PTF1A: variants seen among roughly 807,000 people sequenced by gnomAD.
The protein encoded by PTF1A is pancreas transcription factor 1 subunit alpha.
A neutral mutation model predicts 22.6 loss-of-function variants in PTF1A; 18 were observed. That is an observed-to-expected ratio of 0.80 (90% CI 0.55 to 1.18). PTF1A has a LOEUF of 1.18. Among genes scored for constraint, PTF1A ranks in the 50% most tolerant of loss-of-function variants. PTF1A has a pLI of 0.00. For missense variants in PTF1A, 477 were observed against 473.0 expected (o/e 1.01, Z -0.08); for synonymous variants, 259 against 227.9 (o/e 1.14, Z -1.23).
Position 23,193,573 on chromosome 10 carries a change from T to C in PTF1A, c.785-131T>C. On this transcript the variant is annotated intron_variant, in intron 1 of 1. Coordinates refer to ENST00000376504, the MANE Select transcript of PTF1A (RefSeq NM_178161.3). ...TTCCTGGGAGGGGACGGTGGGGACT[T>C]GAAGTGTGGAGGAAGAGGGTGGTTC... 3 of 861,998 alleles carry C rather than the reference T, an allele frequency of 3.5e-6. No individual in the cohort carries two copies. The South Asian group carries it at 4.1e-5, about 12-fold the overall frequency. 53.4% of individuals were successfully genotyped at this position (861,998 alleles called of 1,614,324 possible). A position where few individuals can be genotyped will look rare whatever the true frequency, so the allele number is the denominator to read the frequency against.
At position 23,192,618 on chromosome 10, in the gene PTF1A, C is replaced by G; in HGVS notation, c.88C>G (p.Gln30Glu). Reference protein sequence around the residue: ...YFDEDDFFTDQSSRDPLEDGD... With the variant: ...YFDEDDFFTDESSRDPLEDGD... ...CGACGAGGACGACTTCTTCACCGAC[C>G]AGTCTTCACGGGACCCCCTGGAGGA... The change falls in exon 1 of 2, where the codon CAG becomes GAG. Residue 30 changes from glutamine (Q) to glutamate (E), a missense_variant. By Grantham distance (29) the Gln-to-Glu change is conservative (BLOSUM62 2). Coordinates refer to ENST00000376504, the MANE Select transcript of PTF1A (RefSeq NM_178161.3). The G allele has an allele frequency of 6.2e-7, 1 of 1,603,194 alleles. No homozygotes were observed. Among genetic ancestry groups the G allele is most frequent in the Middle Eastern group, 1.7e-4 (1 of 6,020 alleles).
Position 23,192,907 on chromosome 10 carries a change from G to T in PTF1A, c.377G>T (p.Cys126Phe). The stretch of plus-strand genomic sequence containing the variant: ...CCGCCCTCGTGCCTGGCCTACCCGT[G>T]CGCCGGGGCGGCAGTACTGTCTCCC... ...GSPPSCLAYPCAGAAVLSPGA... is the reference protein window; with the variant it reads ...GSPPSCLAYPFAGAAVLSPGA... The change falls in exon 1 of 2, where the codon TGC (cysteine) becomes TTC (phenylalanine). Residue 126 changes from cysteine (C) to phenylalanine (F), a missense_variant. Cys to Phe is a radical substitution (Grantham distance 205). Transcript: ENST00000376504. 1.6e-6 allele frequency: 2 copies of T among 1,269,522 alleles called. No individual in the cohort carries two copies. Among genetic ancestry groups the T allele is most frequent in the Non-Finnish European group, 2.0e-6 (2 of 1,003,648 alleles). 78.6% of individuals were successfully genotyped at this position (1,269,522 alleles called of 1,614,324 possible). A position where few individuals can be genotyped will look rare whatever the true frequency, so the allele number is the denominator to read the frequency against.
chr10:23,194,006 A>G lies in PTF1A; in HGVS notation c.*100A>G. On this transcript the variant is annotated 3_prime_UTR_variant, in exon 2 of 2. Transcript: ENST00000376504. ...GTAATTTAAGAATCAAATTTTTCGA[A>G]TGGCAATCAACTGTTTATTATTTAT... is the stretch of plus-strand genomic sequence containing the variant. 1.1e-6 allele frequency: 1 copy of G among 932,814 alleles called. No homozygotes were observed. Among genetic ancestry groups the G allele is most frequent in the South Asian group, 1.3e-5 (1 of 74,226 alleles). 57.8% of individuals were successfully genotyped at this position (932,814 alleles called of 1,614,324 possible). A position where few individuals can be genotyped will look rare whatever the true frequency, so the allele number is the denominator to read the frequency against.
rs1588562839 is a variant in PTF1A at position 23,192,878 on chromosome 10, C to T, written c.348C>T (p.Gly116=). 1 of 1,313,280 alleles carries T rather than the reference C, an allele frequency of 7.6e-7. No individual in the cohort carries two copies. Among genetic ancestry groups the T allele is most frequent in the Non-Finnish European group, 9.7e-7 (1 of 1,028,520 alleles). The allele number at this position is 1,313,280 out of a possible 1,614,324, so 81.4% of individuals were successfully genotyped here. Residue 116 remains glycine (G), a synonymous_variant, in exon 1 of 2, where the codon GGC becomes GGT. Transcript: ENST00000376504. ...CAGGCGGCTTCCCCTACTCGCCCGG[C>T]TCGCCGCCCTCGTGCCTGGCCTACC... The part of the protein sequence containing the change: ...APPGGFPYSP[G]SPPSCLAYPC...
In PTF1A at chr10:23,192,810, G is replaced by A. The variant is rs1374716056; in HGVS notation, c.280G>A (p.Asp94Asn). 4 of 1,304,262 alleles carry A rather than the reference G, an allele frequency of 3.1e-6. No homozygotes were observed. Among genetic ancestry groups the A allele is most frequent in the African/African-American group, 1.5e-5 (1 of 64,714 alleles). The allele number at this position is 1,304,262 out of a possible 1,614,324, so 80.8% of individuals were successfully genotyped here. The change falls in exon 1 of 2, where the codon GAC becomes AAC. Residue 94 changes from aspartate (D) to asparagine (N), a missense_variant. Asp to Asn is a conservative substitution (Grantham distance 23, BLOSUM62 1). Coordinates refer to ENST00000376504, the MANE Select transcript of PTF1A (RefSeq NM_178161.3). ...PSSGGLGEPD[D>N]GGGGGYCCET... is the part of the protein sequence containing the mutation. ...CTCGGGGGGCCTCGGTGAGCCAGACGACGGCGGCGGCGGCGGCTACTGCTG... is the reference window on the plus strand; with the variant it reads ...CTCGGGGGGCCTCGGTGAGCCAGACAACGGCGGCGGCGGCGGCTACTGCTG...
rs370434971 is a variant in PTF1A at position 23,192,728 on chromosome 10, G to A, written c.198G>A (p.Ala66=). The change falls in exon 1 of 2, where the codon GCG becomes GCA. Residue 66 remains alanine, a synonymous_variant. Coordinates refer to ENST00000376504, the MANE Select transcript of PTF1A (RefSeq NM_178161.3). ...ACGAGTACTGCTACCGCGACGGGGC[G>A]TGCCTGCTGCTGCAGCCCGCGCCCC... The part of the protein sequence containing the change: ...QLHEYCYRDG[A]CLLLQPAPPA... 5 of 1,523,544 alleles carry A rather than the reference G, an allele frequency of 3.3e-6. No homozygotes were observed. The highest frequency in any genetic ancestry group is 4.4e-6 in the Non-Finnish European group (5 of 1,140,368). 94.4% of individuals were successfully genotyped at this position (1,523,544 alleles called of 1,614,324 possible).
rs1274763220 is a variant in PTF1A, at chr10:23,193,804, C to G, written c.885C>G (p.Ile295Met). Residue 295 changes from isoleucine (I) to methionine (M), a missense_variant, in exon 2 of 2, where the codon ATC becomes ATG. Physicochemically the swap from Ile to Met is conservative, Grantham distance 10. Coordinates refer to ENST00000376504, the MANE Select transcript of PTF1A (RefSeq NM_178161.3). Reference protein sequence around the residue: ...DEKQLKEQNIIRTAKVWTPED... With the variant: ...DEKQLKEQNIMRTAKVWTPED... ...AACAACTCAAGGAACAAAATATTAT[C>G]CGAACAGCCAAAGTCTGGACCCCAG... 6.8e-6 allele frequency: 11 copies of G among 1,613,724 alleles called. No homozygotes were observed. The highest frequency in any genetic ancestry group is 9.3e-6 in the Non-Finnish European group (11 of 1,179,800).
In PTF1A at chr10:23,193,827, C is replaced by T. The variant is rs1238836994; in HGVS notation, c.908C>T (p.Pro303Leu). The stretch of plus-strand genomic sequence containing the variant: ...ATCCGAACAGCCAAAGTCTGGACCC[C>T]AGAGGACCCCAGAAAACTCAACAGC... ...NIIRTAKVWT[P>L]EDPRKLNSKS... The change falls in exon 2 of 2, where the codon CCA becomes CTA. Residue 303 changes from proline to leucine, a missense_variant. By Grantham distance (98) the Pro-to-Leu change is moderately conservative. Coordinates refer to ENST00000376504, the MANE Select transcript of PTF1A (RefSeq NM_178161.3). 2.5e-6 allele frequency: 4 copies of T among 1,614,058 alleles called. No homozygotes were observed. The highest frequency in any genetic ancestry group is 1.7e-5 in the Admixed American group (1 of 60,024).
Position 23,193,230 on chromosome 10 carries a change from G to T in PTF1A, c.700G>T (p.Gly234Trp). 2 of 1,297,080 alleles carry T rather than the reference G, an allele frequency of 1.5e-6. No individual in the cohort carries two copies. The highest frequency in any genetic ancestry group is 2.0e-6 in the Non-Finnish European group (2 of 1,022,164). 80.3% of individuals were successfully genotyped at this position (1,297,080 alleles called of 1,614,324 possible). A position where few individuals can be genotyped will look rare whatever the true frequency, so the allele number is the denominator to read the frequency against. ...PLRGGGAGGC[G>W]GPGGGGRLGG... is the part of the protein sequence containing the mutation. ...GCGCGGCGGTGGCGCGGGCGGCTGCGGGGGGCCGGGCGGCGGCGGGCGCCT... is the reference window on the plus strand; with the variant it reads ...GCGCGGCGGTGGCGCGGGCGGCTGCTGGGGGCCGGGCGGCGGCGGGCGCCT... The change falls in exon 1 of 2, where the codon GGG (glycine) becomes TGG (tryptophan). Residue 234 changes from glycine to tryptophan, a missense_variant. Coordinates refer to ENST00000376504, the MANE Select transcript of PTF1A (RefSeq NM_178161.3).
Position 23,193,265 on chromosome 10 carries a change from C to T in PTF1A, c.735C>T (p.Asp245=). The T allele has an allele frequency of 8.0e-7, 1 of 1,245,516 alleles. No homozygotes were observed. 77.2% of individuals were successfully genotyped at this position (1,245,516 alleles called of 1,614,324 possible). ...GCGGCGGCGGGCGCCTGGGCGGGGA[C>T]AGCCCGGGCAGCCAGGCCCAGAAGG... The part of the protein sequence containing the change: ...GPGGGGRLGG[D]SPGSQAQKVI... The change falls in exon 1 of 2, where the codon GAC becomes GAT. Residue 245 remains aspartate (D), a synonymous_variant. Coordinates refer to ENST00000376504, the MANE Select transcript of PTF1A (RefSeq NM_178161.3).
intron 1 of PTF1A, 161 bp downstream of exon 1, chr10:23,193,475 T>TA (rs935192968): frequency 1.2e-6 from 1 of 827,748 alleles, no homozygotes. Context: ...TTTTTTTTTT[T>TA]TTTTTATTTT....
Position 23,193,231 on chromosome 10 carries a change from G to C in PTF1A, c.701G>C (p.Gly234Ala), listed in dbSNP as rs1214501355. ...PLRGGGAGGC[G>A]GPGGGGRLGG... ...CGCGGCGGTGGCGCGGGCGGCTGCG[G>C]GGGGCCGGGCGGCGGCGGGCGCCTG... Residue 234 changes from glycine (G) to alanine (A), a missense_variant, in exon 1 of 2, where the codon GGG becomes GCG. Transcript: ENST00000376504. 3.1e-6 allele frequency: 4 copies of C among 1,298,536 alleles called. No individual in the cohort carries two copies. The highest frequency in any genetic ancestry group is 3.9e-6 in the Non-Finnish European group (4 of 1,023,156). 80.4% of individuals were successfully genotyped at this position (1,298,536 alleles called of 1,614,324 possible). A position where few individuals can be genotyped will look rare whatever the true frequency, so the allele number is the denominator to read the frequency against.
In PTF1A at chr10:23,194,031, T is replaced by C. The variant is rs957268963; in HGVS notation, c.*125T>C. The C allele has an allele frequency of 1.3e-6, 1 of 747,572 alleles. No individual in the cohort carries two copies. Among genetic ancestry groups the C allele is most frequent in the Non-Finnish European group, 2.4e-6 (1 of 418,454 alleles). 46.3% of individuals were successfully genotyped at this position (747,572 alleles called of 1,614,324 possible). A position where few individuals can be genotyped will look rare whatever the true frequency, so the allele number is the denominator to read the frequency against. ...ATGGCAATCAACTGTTTATTATTTA[T>C]CTATTTATTATCCTGTTGAGTTGAT... On this transcript the variant is annotated 3_prime_UTR_variant, in exon 2 of 2. Transcript: ENST00000376504.
In PTF1A at chr10:23,193,132, A is replaced by G; in HGVS notation, c.602A>G (p.Lys201Arg). 2 of 1,444,808 alleles carry G rather than the reference A, an allele frequency of 1.4e-6. No homozygotes were observed. The highest frequency in any genetic ancestry group is 1.8e-6 in the Non-Finnish European group (2 of 1,092,870). The allele number at this position is 1,444,808 out of a possible 1,614,324, so 89.5% of individuals were successfully genotyped here. ...PTLPYEKRLS[K>R]VDTLRLAIGY... ...CTGCCCTACGAGAAGCGCCTCTCCA[A>G]GGTGGACACGCTGCGCCTGGCCATC... The change falls in exon 1 of 2, where the codon AAG becomes AGG. Residue 201 changes from lysine to arginine, a missense_variant. Lys to Arg is a conservative substitution (Grantham distance 26, BLOSUM62 2). Coordinates refer to ENST00000376504, the MANE Select transcript of PTF1A (RefSeq NM_178161.3).
Position 23,193,210 on chromosome 10 carries a change from G to T in PTF1A, c.680G>T (p.Gly227Val). 3.0e-6 allele frequency: 4 copies of T among 1,320,964 alleles called. No individual in the cohort carries two copies. The African/African-American group carries it at 6.1e-5, about 20-fold the overall frequency. The allele number at this position is 1,320,964 out of a possible 1,614,324, so 81.8% of individuals were successfully genotyped here. The change falls in exon 1 of 2, where the codon GGC becomes GTC. Residue 227 changes from glycine to valine, a missense_variant. Transcript: ENST00000376504. ...ELVQADLPLR[G>V]GGAGGCGGPG... is the part of the protein sequence containing the mutation. ...GTGCAGGCCGACCTGCCCTTGCGCGGCGGTGGCGCGGGCGGCTGCGGGGGG... is the reference window on the plus strand; with the variant it reads ...GTGCAGGCCGACCTGCCCTTGCGCGTCGGTGGCGCGGGCGGCTGCGGGGGG...
Position 23,193,188 on chromosome 10 carries a change from CAG to C in PTF1A, c.659_660del (p.Gln220ArgfsTer50). The C allele has an allele frequency of 7.2e-7, 1 of 1,381,600 alleles. No individual in the cohort carries two copies. Among genetic ancestry groups the C allele is most frequent in the Non-Finnish European group, 9.4e-7 (1 of 1,058,486 alleles). The allele number at this position is 1,381,600 out of a possible 1,614,324, so 85.6% of individuals were successfully genotyped here. On this transcript the variant is annotated frameshift_variant, in exon 1 of 2. Coordinates refer to ENST00000376504, the MANE Select transcript of PTF1A (RefSeq NM_178161.3). LOFTEE classifies it high-confidence loss of function. ...CATCAACTTCCTCAGCGAGCTCGTGCAGGCCGACCTGCCCTTGCGCGGCGGTG... is the reference window on the plus strand; with the variant it reads ...CATCAACTTCCTCAGCGAGCTCGTGCGCCGACCTGCCCTTGCGCGGCGGTG... ...GYINFLSELV[Q>X]ADLPLRGGGA...
intron 1 of PTF1A, 179 bp from the exon 2 acceptor site, chr10:23,193,513 GGCGCGCGTCCCC>G: frequency 1.4e-6 from 1 of 730,438 alleles, no homozygotes; most frequent in Admixed American, 2.6e-5. Context: ...GGCTCTCAAG[GGCGCGCGTCCCC>G]GCCAGACTTG....
Position 23,192,409 on chromosome 10 carries a change from G to C in PTF1A, c.-122G>C, listed in dbSNP as rs935696159. 22 of 1,376,726 alleles carry C rather than the reference G, an allele frequency of 1.6e-5. No individual in the cohort carries two copies. Among genetic ancestry groups the C allele is most frequent in the African/African-American group, 1.5e-5 (1 of 65,798 alleles). 85.3% of individuals were successfully genotyped at this position (1,376,726 alleles called of 1,614,324 possible). ...AGGGAGGCCCGGGGGCGGGCAGCCC[G>C]GCGGCCGCCTAGCTGCCCCCAGCCA... is the stretch of plus-strand genomic sequence containing the variant. On this transcript the variant is annotated 5_prime_UTR_variant, in exon 1 of 2. Coordinates refer to ENST00000376504, the MANE Select transcript of PTF1A (RefSeq NM_178161.3).
chr10:23,193,675 C>T (rs757280191), intron 1 of PTF1A, 29 bp from the exon 2 acceptor site: 14 of 1,454,778 alleles, frequency 9.6e-6, no homozygotes, highest in Non-Finnish European at 1.3e-5. Flanking sequence ...TGGATATTCA[C>T]AGTCTGTTTT....
Sources: gnomAD v4.1 joint callset for allele counts on GRCh38, gnomAD v4.1.1 for gene constraint, MANE v1.5 for transcripts, NCBI Gene and HGNC (gene_info 2026-07-23, HGNC 2026-07-21) for gene names.